The following CPA6 variants were observed in gnomAD, a reference collection of about 807,000 sequenced individuals.
CPA6 encodes carboxypeptidase A6.
In CPA6, 58 loss-of-function variants were observed where a neutral mutation model predicts 63.3. That is an observed-to-expected ratio of 0.92 (90% CI 0.74 to 1.14). CPA6 has a LOEUF of 1.14. Among genes scored for constraint, CPA6 ranks in the 50% most tolerant of loss-of-function variants. CPA6 has a pLI of 0.00. For missense variants in CPA6, 565 were observed against 526.6 expected, an observed-to-expected ratio of 1.07 and a Z score of -0.71; for synonymous variants, 185 against 179.0, an observed-to-expected ratio of 1.03 and a Z score of -0.27.
At chr8:67,579,068 A>C (rs1813698308) in intron 2 of CPA6, among the ~76,000 whole-genome samples, 1 of 152,252 alleles carries the variant, frequency 6.6e-6, no homozygotes, top group African/African-American at 2.4e-5. Context: ...AAATGTATAA[A>C]TATAGAAACC....
chr8:67,456,335 CAAA>C (rs2128956431), intron 8 of CPA6, among the ~76,000 whole-genome samples: 1 of 152,310 alleles, frequency 6.6e-6, no homozygotes, highest in Non-Finnish European at 1.5e-5. Flanking sequence ...TCTTTTGTTA[CAAA>C]TTGTCGTGTA....
intron 6 of CPA6, among the ~76,000 whole-genome samples, chr8:67,496,551 A>ATT (rs1296140694): frequency 1.8e-5 from 2 of 113,272 alleles, no homozygotes; most frequent in African/African-American, 7.5e-5. Context: ...ATATATATAT[A>ATT]TATATATTTA....
intron 1 of CPA6, among the ~76,000 whole-genome samples, chr8:67,628,329 G>A (rs1190991646): frequency 6.6e-6 from 1 of 152,176 alleles, no homozygotes; most frequent in Non-Finnish European, 1.5e-5. Flanking sequence ...TGTCCTCTAG[G>A]CAACCTGAAA....
intron 1 of CPA6, among the ~76,000 whole-genome samples, chr8:67,688,004 C>T (rs1018396964): frequency 1.3e-5 from 2 of 151,958 alleles, no homozygotes; most frequent in Non-Finnish European, 2.9e-5. Context: ...GGAAAAACCC[C>T]GTCCCTACAA....
At chr8:67,629,622 C>T (rs924721999) in intron 1 of CPA6, among the ~76,000 whole-genome samples, 24 of 151,914 alleles carry the variant, frequency 1.6e-4, no homozygotes, top group East Asian at 1.9e-4. Context: ...TGATGGATAG[C>T]GGTTGTTGCA....
At chr8:67,687,627 A>T (rs529065094) in intron 1 of CPA6, among the ~76,000 whole-genome samples, 1 of 152,136 alleles carries the variant, frequency 6.6e-6, no homozygotes, top group African/African-American at 2.4e-5. Context: ...TTTAGGAAGC[A>T]TGTATCTAAT....
intron 1 of CPA6, among the ~76,000 whole-genome samples, chr8:67,632,381 C>T (rs1225165224): frequency 6.6e-6 from 1 of 152,086 alleles, no homozygotes; most frequent in African/African-American, 2.4e-5. Flanking sequence ...CTATGTTGCC[C>T]AGGCTACTCT....
intron 2 of CPA6, among the ~76,000 whole-genome samples, chr8:67,556,084 T>G (rs1211336534): frequency 1.3e-5 from 2 of 152,156 alleles, no homozygotes; most frequent in African/African-American, 2.4e-5. Context: ...AACAGAGATG[T>G]GGATGGATCA....
chr8:67,545,516 G>A (rs961404785), intron 2 of CPA6, among the ~76,000 whole-genome samples: 2 of 150,336 alleles, frequency 1.3e-5, no homozygotes, highest in Non-Finnish European at 3.0e-5. Flanking sequence ...CATGTCCCTG[G>A]CTTTAGTCTT....
intron 6 of CPA6, among the ~76,000 whole-genome samples, chr8:67,504,594 G>T (rs1811891662): frequency 6.6e-6 from 1 of 152,142 alleles, no homozygotes; most frequent in Non-Finnish European, 1.5e-5. Flanking sequence ...AGCCAGTGAG[G>T]ACTTATGGCT....
chr8:67,426,452 T>C lies in CPA6; in HGVS notation c.1126+1595A>G, dbSNP rs1035724256. ...ATTGTTTAAATACAGTTTTTTTTTT[T>C]CCCTTTCAAGGTGGCCACTGAAAAA... On this transcript the variant is annotated intron_variant, in intron 10 of 10. Coordinates refer to ENST00000297770, the MANE Select transcript of CPA6 (RefSeq NM_020361.5). Among the ~76,000 whole-genome samples the C allele has an allele frequency of 1.2e-3, 181 of 151,858 alleles. 1 individual carries two copies. The highest frequency in any genetic ancestry group is 1.1e-3 in the Non-Finnish European group (78 of 68,022).
At chr8:67,562,800 T>C (rs1813246267) in intron 2 of CPA6, among the ~76,000 whole-genome samples, 1 of 152,222 alleles carries the variant, frequency 6.6e-6, no homozygotes, top group Non-Finnish European at 1.5e-5. Flanking sequence ...TGTTGGCACC[T>C]TGATCTTGGA....
At chr8:67,508,897 A>G (rs765397972) in intron 5 of CPA6, among the ~76,000 whole-genome samples, 3 of 152,156 alleles carry the variant, frequency 2.0e-5, no homozygotes, top group Non-Finnish European at 4.4e-5. Flanking sequence ...GAAACTGGGT[A>G]GTTATAAATA....
At chr8:67,509,449 G>T in intron 5 of CPA6, 68 bp downstream of exon 5, 1 of 746,276 alleles carries the variant, frequency 1.3e-6, no homozygotes, top group South Asian at 1.7e-5. Context: ...TTTTCCCATA[G>T]GTTAAAGTTG....
intron 1 of CPA6, among the ~76,000 whole-genome samples, chr8:67,676,687 C>T (rs765164436): frequency 9.2e-5 from 14 of 152,124 alleles, no homozygotes; most frequent in Non-Finnish European, 1.8e-4. Context: ...GTGGACATTC[C>T]TTCAGAGGAC....
At chr8:67,447,299 C>A (rs902809783) in intron 8 of CPA6, among the ~76,000 whole-genome samples, 2 of 151,936 alleles carry the variant, frequency 1.3e-5, no homozygotes, top group Admixed American at 1.3e-4. Flanking sequence ...CTCCTGCCTG[C>A]CTATTGTTGG....
chr8:67,517,788 C>T (rs565938653), intron 3 of CPA6, 135 bp downstream of exon 3: 2 of 870,356 alleles, frequency 2.3e-6, no homozygotes, highest in Non-Finnish European at 3.5e-6. Context: ...TGAATATATT[C>T]ATGTCAGTTT....
intron 6 of CPA6, among the ~76,000 whole-genome samples, chr8:67,497,606 A>G (rs1437404420): frequency 6.6e-6 from 1 of 152,046 alleles, no homozygotes; most frequent in Non-Finnish European, 1.5e-5. Flanking sequence ...TAGGAGTGGA[A>G]TTTTGGGGTC....
intron 8 of CPA6, among the ~76,000 whole-genome samples, chr8:67,470,995 C>T (rs575865416): frequency 6.6e-6 from 1 of 152,296 alleles, no homozygotes; most frequent in Non-Finnish European, 1.5e-5. Flanking sequence ...TCAAAACTCT[C>T]CAGCGCTTTC....
Sources: allele counts gnomAD v4.1 joint callset (sites outside exome capture counted in the v4.1 genomes callset), GRCh38; gene constraint gnomAD v4.1.1; transcripts MANE v1.5; gene names NCBI Gene and HGNC (gene_info 2026-07-23, HGNC 2026-07-21).